Variants in SUCO observed in about 807,000 individuals in gnomAD.
SUCO encodes SUN domain containing ossification factor.
In SUCO, 57 loss-of-function variants were observed where a neutral mutation model predicts 148.1. The ratio of observed to expected loss-of-function variants is 0.38; its 90% CI spans 0.31 to 0.48. SUCO has a LOEUF of 0.48. SUCO is among the 20% of genes least tolerant of loss of function. The pLI, the probability that SUCO is intolerant of heterozygous loss-of-function variation, is 0.96. For missense variants in SUCO, 1,331 were observed against 1,468.2 expected (o/e 0.91, Z 1.53); for synonymous variants, 470 against 502.7 (o/e 0.93, Z 0.87).
At chr1:172,555,410 G>T (rs1302581523) in intron 3 of SUCO, 1 of 985,220 alleles carries the variant, frequency 1.0e-6, no homozygotes, top group Non-Finnish European at 1.2e-6. Flanking sequence ...AAGACTGAAG[G>T]AGCAGTAAGA....
At chr1:172,599,956 A>C in intron 19 of SUCO, 108 bp from the exon 20 acceptor site, 1 of 738,928 alleles carries the variant, frequency 1.4e-6, no homozygotes. Context: ...CTATTAATAC[A>C]TTTGTTTTGG....
intron 9 of SUCO, among the ~76,000 whole-genome samples, chr1:172,572,773 T>C (rs1215441911): frequency 6.8e-6 from 1 of 147,502 alleles, no homozygotes; most frequent in African/African-American, 2.5e-5. Context: ...TCTGGGTGAC[T>C]GTTAGATATT....
chr1:172,608,064 A>C, intron 22 of SUCO: 4 of 984,658 alleles, frequency 4.1e-6, no homozygotes, highest in Non-Finnish European at 4.8e-6. Context: ...TGGGGTTGGG[A>C]TATATCTTGA....
chr1:172,568,907 C>A, intron 6 of SUCO, 112 bp from the exon 7 acceptor site: 2 of 1,003,762 alleles, frequency 2.0e-6, no homozygotes, highest in Non-Finnish European at 2.8e-6. Context: ...AAAATATAAT[C>A]ATTCATTATA....
In SUCO at chr1:172,608,120, A is replaced by G. The variant is rs550829354; in HGVS notation, c.3266-627A>G. 1.4e-4 allele frequency: 139 copies of G among 980,078 alleles called. No homozygotes were observed. In the Admixed American group the frequency reaches 2.1e-3, roughly 15 times the overall value. The allele number at this position is 980,078 out of a possible 1,614,324, so 60.7% of individuals were successfully genotyped here. A position where few individuals can be genotyped will look rare whatever the true frequency, so the allele number is the denominator to read the frequency against. ...CCTTAGAAACTTTGGGCTAAAACTA[A>G]TAAATCTAATTTACTCACTATGCCA... On this transcript the variant is annotated intron_variant, in intron 22 of 23. Transcript: ENST00000263688.
intron 7 of SUCO, chr1:172,569,628 C>A: frequency 4.2e-6 from 2 of 470,898 alleles, no homozygotes; most frequent in Non-Finnish European, 5.6e-6. Flanking sequence ...TTAGGTGCAG[C>A]ACACCACCAT....
chr1:172,588,719 T>C (rs1037842787), intron 17 of SUCO, 41 bp from the exon 18 acceptor site: 1 of 1,326,062 alleles, frequency 7.5e-7, no homozygotes, highest in Non-Finnish European at 9.8e-7. Context: ...ACTTTAGACT[T>C]CTAAGTAAGT....
chr1:172,557,698 A>G lies in SUCO; in HGVS notation c.636A>G (p.Ile212Met), dbSNP rs776254186. 6.2e-7 allele frequency: 1 copy of G among 1,613,314 alleles called. No individual in the cohort carries two copies. The highest frequency in any genetic ancestry group is 8.5e-7 in the Non-Finnish European group (1 of 1,179,730). ...NVSSSHGKGK[I>M]TKSEFESKVS... The stretch of plus-strand genomic sequence containing the variant: ...CATCTTCACATGGTAAAGGAAAGAT[A>G]ACAAAATCAGAATTTGAATCAAAAG... The change falls in exon 6 of 24, where the codon ATA becomes ATG. Residue 212 changes from isoleucine to methionine, a missense_variant. Around this residue, in one of 3 missense-constraint regions of SUCO, gnomAD observed 992 missense variants for 1,093.5 expected, o/e 0.91. Transcript: ENST00000263688.
chr1:172,579,398 T>C (rs1458837622), intron 15 of SUCO, 131 bp downstream of exon 15: 1 of 547,332 alleles, frequency 1.8e-6, no homozygotes, highest in Non-Finnish European at 3.3e-6. Flanking sequence ...AGATACTGTC[T>C]TTTGAAAAGT....
intron 4 of SUCO, chr1:172,556,676 T>C: frequency 6.1e-6 from 6 of 985,070 alleles, no homozygotes; most frequent in Non-Finnish European, 7.2e-6. Context: ...CACAAGATAT[T>C]ATGGTTACCA....
chr1:172,535,290 A>G (rs1304059109), intron 1 of SUCO, among the ~76,000 whole-genome samples: 1 of 152,236 alleles, frequency 6.6e-6, no homozygotes, highest in Non-Finnish European at 1.5e-5. Flanking sequence ...TTAGCTTAAG[A>G]AACTATTGGG....
intron 1 of SUCO, among the ~76,000 whole-genome samples, chr1:172,537,176 C>T (rs1282191957): frequency 6.6e-6 from 1 of 152,018 alleles, no homozygotes; most frequent in Non-Finnish European, 1.5e-5. Flanking sequence ...TTAGTAAAAC[C>T]TTGTGCATCC....
chr1:172,578,691 A>AGTG (rs1465501986), intron 14 of SUCO: 1 of 263,952 alleles, frequency 3.8e-6, no homozygotes, highest in Non-Finnish European at 5.9e-6. Flanking sequence ...TTAAACTCAC[A>AGTG]AGATACTGAA....
chr1:172,534,631 A>G (rs1014295655), intron 1 of SUCO, among the ~76,000 whole-genome samples: 4 of 152,230 alleles, frequency 2.6e-5, no homozygotes, highest in Non-Finnish European at 5.9e-5. Flanking sequence ...ATTACCTTTC[A>G]TTCTGAATCC....
At chr1:172,567,131 A>T (rs1412191214) in intron 6 of SUCO, among the ~76,000 whole-genome samples, 1 of 152,208 alleles carries the variant, frequency 6.6e-6, no homozygotes, top group African/African-American at 2.4e-5. Flanking sequence ...CTTCCTTTGA[A>T]GAAAAGAAGA....
At chr1:172,598,419 G>C (rs1351140143) in intron 19 of SUCO, among the ~76,000 whole-genome samples, 2 of 152,154 alleles carry the variant, frequency 1.3e-5, no homozygotes, top group Non-Finnish European at 2.9e-5. Context: ...TGTTTTGGCT[G>C]TAGTAGTTTT....
chr1:172,607,838 G>T (rs968245333), intron 22 of SUCO, among the ~76,000 whole-genome samples: 1 of 151,798 alleles, frequency 6.6e-6, no homozygotes, highest in Non-Finnish European at 1.5e-5. Context: ...TATATTTGAT[G>T]ACTTTCTCAA....
At chr1:172,558,577 TCTTCA>T (rs1653913512) in intron 6 of SUCO, among the ~76,000 whole-genome samples, 1 of 151,462 alleles carries the variant, frequency 6.6e-6, no homozygotes, top group African/African-American at 2.5e-5. Context: ...TTTCAGTGAA[TCTTCA>T]CTTACGACTA....
chr1:172,570,883 T>C (rs182889805), intron 9 of SUCO, 153 bp downstream of exon 9: 2 of 529,494 alleles, frequency 3.8e-6, no homozygotes, highest in Non-Finnish European at 6.6e-6. Context: ...CAAAATGCCT[T>C]CCTTTCCTTT....
Sources: gnomAD v4.1 joint callset for allele counts (sites outside exome capture counted in the v4.1 genomes callset) on GRCh38, gnomAD v4.1.1 for gene constraint, gnomAD v4.1.1 regional missense constraint, MANE v1.5 for transcripts, NCBI Gene and HGNC (gene_info 2026-07-23, HGNC 2026-07-21) for gene names.